The following EXOC4 variants were observed in gnomAD, a reference collection of about 807,000 sequenced individuals.
EXOC4 encodes the protein exocyst complex component 4.
Under a neutral mutation model 107.2 loss-of-function variants are expected in EXOC4, and 71 were observed. That is an observed-to-expected ratio of 0.66 (90% CI 0.55 to 0.81). The LOEUF (loss-of-function observed/expected upper bound fraction) is 0.81, where lower values mean the gene tolerates loss of function less well. Among genes scored for constraint, EXOC4 ranks in the 30% least tolerant of loss-of-function variants. The pLI is 0.00. For missense variants in EXOC4, 1,108 were observed against 1,189.6 expected, an observed-to-expected ratio of 0.93 and a Z score of 1.01; for synonymous variants, 456 against 441.2, an observed-to-expected ratio of 1.03 and a Z score of -0.42.
intron 5 of EXOC4, among the ~76,000 whole-genome samples, chr7:133,353,153 A>G (rs769074266): frequency 1.3e-5 from 2 of 152,168 alleles, no homozygotes; most frequent in Admixed American, 6.5e-5. Context: ...GTAGAAAACA[A>G]TAGTTAGAAA....
chr7:133,659,780 T>TAC (rs1451761373), intron 10 of EXOC4, among the ~76,000 whole-genome samples: 2 of 152,196 alleles, frequency 1.3e-5, no homozygotes, highest in Admixed American at 1.3e-4. Flanking sequence ...AAGGAAAGGC[T>TAC]AACAGTCACT....
Position 134,004,895 on chromosome 7 carries a change from ATC to A in EXOC4, c.2349-9_2349-8del. The A allele has an allele frequency of 6.2e-7, 1 of 1,605,156 alleles. No individual in the cohort carries two copies. The highest frequency in any genetic ancestry group is 8.5e-7 in the Non-Finnish European group (1 of 1,174,526). On this transcript the variant is annotated splice_polypyrimidine_tract_variant and intron_variant, in intron 15 of 17. Coordinates refer to ENST00000253861, the MANE Select transcript of EXOC4 (RefSeq NM_021807.4). Reference sequence around the variant, plus strand: ...GGATTTATTATTAACTGCTCTCCCTATCTCTCTCTTTTTCAGGGTTCACTGTT... The same window carrying A: ...GGATTTATTATTAACTGCTCTCCCTATCTCTCTTTTTCAGGGTTCACTGTT...
chr7:133,962,821 A>AG (rs1800977863), intron 14 of EXOC4, among the ~76,000 whole-genome samples: 1 of 152,256 alleles, frequency 6.6e-6, no homozygotes, highest in Non-Finnish European at 1.5e-5. Context: ...CTCATATTCT[A>AG]CAGATGGGTG....
At chr7:133,900,722 G>A (rs1424625287) in intron 12 of EXOC4, among the ~76,000 whole-genome samples, 2 of 152,154 alleles carry the variant, frequency 1.3e-5, no homozygotes, top group African/African-American at 4.8e-5. Flanking sequence ...TTAAGAGATA[G>A]TAAAGAGGTA....
chr7:133,862,513 C>T (rs928817486), intron 11 of EXOC4, among the ~76,000 whole-genome samples: 3 of 152,026 alleles, frequency 2.0e-5, no homozygotes, highest in African/African-American at 4.8e-5. Context: ...GAGCCTCATT[C>T]CCAGAGGCTT....
intron 10 of EXOC4, among the ~76,000 whole-genome samples, chr7:133,651,952 T>C (rs1351307010): frequency 6.6e-6 from 1 of 152,196 alleles, no homozygotes; most frequent in Non-Finnish European, 1.5e-5. Context: ...AGTGCTGGGA[T>C]TACAGGTGTG....
intron 2 of EXOC4, among the ~76,000 whole-genome samples, chr7:133,282,880 A>T (rs1794189472): frequency 6.6e-6 from 1 of 152,168 alleles, no homozygotes; most frequent in Non-Finnish European, 1.5e-5. Flanking sequence ...TCTTGAACTT[A>T]CTTCTCTTGT....
chr7:133,650,525 G>A (rs1400079389), intron 10 of EXOC4, among the ~76,000 whole-genome samples: 4 of 152,076 alleles, frequency 2.6e-5, no homozygotes. Context: ...TTTACATGGT[G>A]TGTGTTTATG....
intron 10 of EXOC4, among the ~76,000 whole-genome samples, chr7:133,647,733 A>G (rs1803029201): frequency 6.6e-6 from 1 of 152,170 alleles, no homozygotes; most frequent in Non-Finnish European, 1.5e-5. Context: ...ACAGTCAAAC[A>G]GAGAGTAGAT....
chr7:133,266,876 TA>T (rs1309169360), intron 1 of EXOC4, among the ~76,000 whole-genome samples: 1 of 152,188 alleles, frequency 6.6e-6, no homozygotes, highest in East Asian at 1.9e-4. Flanking sequence ...TTTGCTTCCT[TA>T]AAGGAACTGG....
At chr7:134,014,655 T>C (rs1187414375) in intron 17 of EXOC4, among the ~76,000 whole-genome samples, 2 of 151,462 alleles carry the variant, frequency 1.3e-5, no homozygotes, top group Non-Finnish European at 2.9e-5. Context: ...GATAGAGGAG[T>C]CTTTGGGGGG....
At chr7:133,562,586 T>C (rs1292506190) in intron 9 of EXOC4, among the ~76,000 whole-genome samples, 1 of 152,232 alleles carries the variant, frequency 6.6e-6, no homozygotes, top group Non-Finnish European at 1.5e-5. Context: ...TAGAGCTGTT[T>C]TCACAAGTGT....
At chr7:134,011,773 A>G (rs1178600784) in intron 17 of EXOC4, among the ~76,000 whole-genome samples, 2 of 150,902 alleles carry the variant, frequency 1.3e-5, no homozygotes, top group Non-Finnish European at 2.9e-5. Context: ...AGATGATAAT[A>G]TATGCTGTAG....
At chr7:133,826,769 C>A (rs1333905918) in intron 11 of EXOC4, among the ~76,000 whole-genome samples, 3 of 152,104 alleles carry the variant, frequency 2.0e-5, no homozygotes, top group Non-Finnish European at 4.4e-5. Context: ...TATGATTAGA[C>A]AACCAGTATA....
intron 12 of EXOC4, among the ~76,000 whole-genome samples, chr7:133,917,110 A>G (rs1799827441): frequency 1.3e-5 from 2 of 152,190 alleles, no homozygotes; most frequent in East Asian, 3.9e-4. Flanking sequence ...GGTGTCCATG[A>G]TTCAAGCAAT....
chr7:133,570,672 A>G (rs1299719809), intron 9 of EXOC4, among the ~76,000 whole-genome samples: 1 of 152,200 alleles, frequency 6.6e-6, no homozygotes, highest in East Asian at 1.9e-4. Flanking sequence ...CCAAGGTCAC[A>G]CATGTAGGAA....
At chr7:133,487,954 C>G (rs1474131519) in intron 9 of EXOC4, among the ~76,000 whole-genome samples, 2 of 152,058 alleles carry the variant, frequency 1.3e-5, no homozygotes, top group African/African-American at 4.8e-5. Context: ...TATAATACCA[C>G]TCATTATGAG....
At chr7:133,947,283 C>T (rs1012076669) in intron 14 of EXOC4, among the ~76,000 whole-genome samples, 2 of 152,170 alleles carry the variant, frequency 1.3e-5, no homozygotes, top group Non-Finnish European at 2.9e-5. Context: ...TGTACTGGGT[C>T]TTCCCCTTCC....
chr7:133,634,470 G>GT (rs112607497), intron 10 of EXOC4, among the ~76,000 whole-genome samples: 1,564 of 148,680 alleles, frequency 0.011, 32 homozygotes, highest in Non-Finnish European at 8.1e-3. Flanking sequence ...TTTAATGATA[G>GT]TTTTTTTTTT....
Sources: gnomAD v4.1 joint callset for allele counts (sites outside exome capture counted in the v4.1 genomes callset) on GRCh38, gnomAD v4.1.1 for gene constraint, MANE v1.5 for transcripts, NCBI Gene and HGNC (gene_info 2026-07-23, HGNC 2026-07-21) for gene names.